INPP5B: variants seen among roughly 807,000 people sequenced by gnomAD.
INPP5B encodes inositol polyphosphate-5-phosphatase B, also known as type II inositol 1,4,5-trisphosphate 5-phosphatase.
INPP5B carries 90 observed loss-of-function variants against 118.5 expected under a neutral mutation model. The ratio of observed to expected loss-of-function variants is 0.76; its 90% confidence interval spans 0.64 to 0.90. The LOEUF (loss-of-function observed/expected upper bound fraction) is 0.90, where lower values mean the gene tolerates loss of function less well. INPP5B is among the 40% of genes least tolerant of loss of function. INPP5B has a pLI of 0.00. For synonymous variants in INPP5B, 385 were observed against 418.9 expected, an observed-to-expected ratio of 0.92 and a Z score of 0.99; for missense variants, 984 against 1,125.6, an observed-to-expected ratio of 0.87 and a Z score of 1.80.
chr1:37,944,598 G>GTT (rs375820267), intron 3 of INPP5B, among the ~76,000 whole-genome samples: 2 of 140,144 alleles, frequency 1.4e-5, no homozygotes, highest in African/African-American at 2.6e-5. Context: ...TTTTTTTCTT[G>GTT]TTTTTTTTTT....
rs763079452 is a variant in INPP5B, at chr1:37,886,934, G to A, written c.1085C>T (p.Ser362Leu). Residue 362 changes from serine to leucine, a missense_variant, in exon 12 of 24, where the codon TCA (serine) becomes TTA (leucine). By Grantham distance (145) the Ser-to-Leu change is moderately radical. Transcript: ENST00000373024. Reference protein sequence around the residue: ...YVKQEHAAYISEVEAETVGTG... With the variant: ...YVKQEHAAYILEVEAETVGTG... ...CCCCACAGTCTCGGCTTCCACTTCTGAGATATAAGCTGCATGCTCCTGTTT... is the reference window on the plus strand; with the variant it reads ...CCCCACAGTCTCGGCTTCCACTTCTAAGATATAAGCTGCATGCTCCTGTTT... 1.2e-5 allele frequency: 19 copies of A among 1,614,124 alleles called. No individual in the cohort carries two copies. In the South Asian group the frequency reaches 1.3e-4, roughly 11 times the overall value.
At chr1:37,883,454 A>G in intron 13 of INPP5B, 1 of 985,430 alleles carries the variant, frequency 1.0e-6, no homozygotes, top group Non-Finnish European at 1.2e-6. Context: ...TGCAGAGTGG[A>G]GTGTAGAAGG....
intron 7 of INPP5B, among the ~76,000 whole-genome samples, chr1:37,918,881 G>C (rs1478303310): frequency 1.3e-5 from 2 of 152,146 alleles, no homozygotes; most frequent in African/African-American, 4.8e-5. Flanking sequence ...CTTTAATAAT[G>C]ATGACTACCA....
At chr1:37,933,025 T>C (rs1159829620) in intron 6 of INPP5B, among the ~76,000 whole-genome samples, 1 of 152,124 alleles carries the variant, frequency 6.6e-6, no homozygotes, top group Non-Finnish European at 1.5e-5. Flanking sequence ...GCTCTGTCTG[T>C]AGAGCTGCAT....
chr1:37,878,325 T>A lies in INPP5B; in HGVS notation c.1542-2A>T, dbSNP rs779339603. The A allele has an allele frequency of 6.2e-7, 1 of 1,613,814 alleles. No individual in the cohort carries two copies. The highest frequency in any genetic ancestry group is 8.5e-7 in the Non-Finnish European group (1 of 1,179,828). On this transcript the variant is annotated splice_acceptor_variant, in intron 15 of 23. Transcript: ENST00000373024. LOFTEE classifies it high-confidence loss of function. ...CAGGCAGGAGCACGGCACTTCTCACTGAAATGCAAAGTCCACACTGGAAGT... is the reference window on the plus strand; with the variant it reads ...CAGGCAGGAGCACGGCACTTCTCACAGAAATGCAAAGTCCACACTGGAAGT...
At chr1:37,939,032 A>C (rs956030000) in intron 6 of INPP5B, among the ~76,000 whole-genome samples, 5 of 152,050 alleles carry the variant, frequency 3.3e-5, no homozygotes, top group African/African-American at 1.2e-4. Flanking sequence ...TGTCTCTACC[A>C]AAAATCCAAA....
At chr1:37,878,086 C>A in intron 16 of INPP5B, 102 bp downstream of exon 16, 1 of 1,373,034 alleles carries the variant, frequency 7.3e-7, no homozygotes, top group Non-Finnish European at 1.0e-6. Context: ...GGCTTCTTCC[C>A]TCTCAAAAGG....
chr1:37,921,499 A>G (rs988594336), intron 7 of INPP5B, among the ~76,000 whole-genome samples: 2 of 152,106 alleles, frequency 1.3e-5, no homozygotes. Flanking sequence ...TTTCTTTTAC[A>G]TTTCTCAAAT....
chr1:37,917,339 T>TATATATATATA (rs1557694463), intron 7 of INPP5B, among the ~76,000 whole-genome samples: 23 of 120,628 alleles, frequency 1.9e-4, no homozygotes, highest in South Asian at 2.9e-4. Flanking sequence ...TATATATATA[T>TATATATATATA]TTGAGAAAGG....
At position 37,941,958 on chromosome 1, in the gene INPP5B, A is replaced by AAAAAAAAAAAAAT. The variant is rs1427344681; in HGVS notation, c.281-1161_281-1160insATTTTTTTTTTTT. ...GTCTCAAAAAAAAAAAAAAAAAAAA[A>AAAAAAAAAAAAAT]ATATATATATATATATAAAATAAAA... On this transcript the variant is annotated intron_variant, in intron 5 of 23. Transcript: ENST00000373024. 74 of 30,276 alleles carry AAAAAAAAAAAAAT rather than the reference A, an allele frequency of 2.4e-3. 2 individuals carry two copies. The highest frequency in any genetic ancestry group is 4.2e-3 in the Non-Finnish European group (64 of 15,162). 1.9% of individuals were successfully genotyped at this position (30,276 alleles called of 1,614,324 possible).
intron 3 of INPP5B, among the ~76,000 whole-genome samples, chr1:37,945,124 C>G (rs117846999): frequency 6.7e-6 from 1 of 149,892 alleles, no homozygotes. Flanking sequence ...AAAGAGACCC[C>G]GTCTCTAAAA....
chr1:37,895,952 G>A (rs1387703148), intron 7 of INPP5B, among the ~76,000 whole-genome samples: 1 of 152,184 alleles, frequency 6.6e-6, no homozygotes, highest in Non-Finnish European at 1.5e-5. Context: ...GGGAAGTGAG[G>A]AGCGTCTCCG....
intron 7 of INPP5B, among the ~76,000 whole-genome samples, chr1:37,910,618 C>A (rs1335564820): frequency 6.6e-6 from 1 of 152,092 alleles, no homozygotes; most frequent in African/African-American, 2.4e-5. Flanking sequence ...CCTAATCACC[C>A]TTACCCTGCT....
intron 16 of INPP5B, among the ~76,000 whole-genome samples, chr1:37,876,891 TAGTC>T (rs1449084987): frequency 1.4e-5 from 2 of 146,086 alleles, no homozygotes; most frequent in African/African-American, 5.1e-5. Flanking sequence ...AAAAAAAAAT[TAGTC>T]AGGTAAGGTG....
At chr1:37,884,227 A>G (rs1390424991) in intron 13 of INPP5B, 3 of 152,220 alleles carry the variant, frequency 2.0e-5, no homozygotes, top group Admixed American at 1.3e-4. Flanking sequence ...CTTTAAAAAA[A>G]AGAAATCTTA....
intron 7 of INPP5B, among the ~76,000 whole-genome samples, chr1:37,891,875 G>A (rs1014489090): frequency 5.9e-5 from 9 of 152,210 alleles, no homozygotes. Flanking sequence ...ATTATTGGTA[G>A]TCCACATATT....
chr1:37,893,792 TC>T (rs1643918266), intron 7 of INPP5B, among the ~76,000 whole-genome samples: 1 of 152,190 alleles, frequency 6.6e-6, no homozygotes, highest in Non-Finnish European at 1.5e-5. Context: ...CTCACCACAG[TC>T]CTTCAGCCCC....
intron 6 of INPP5B, among the ~76,000 whole-genome samples, chr1:37,934,267 G>A (rs1330341216): frequency 6.6e-6 from 1 of 152,100 alleles, no homozygotes; most frequent in Admixed American, 6.6e-5. Flanking sequence ...TCTTGGGTAA[G>A]TTGCTTGCCT....
At chr1:37,885,555 A>G in intron 13 of INPP5B, 83 bp downstream of exon 13, 1 of 1,220,188 alleles carries the variant, frequency 8.2e-7, no homozygotes, top group Non-Finnish European at 1.2e-6. Flanking sequence ...GGAAACCACC[A>G]CCAGGCATCT....
Sources: gnomAD v4.1 joint callset for allele counts (sites outside exome capture counted in the v4.1 genomes callset) on GRCh38, gnomAD v4.1.1 for gene constraint, MANE v1.5 for transcripts, NCBI Gene and HGNC (gene_info 2026-07-23, HGNC 2026-07-21) for gene names.